The following ADAMTS17 variants were observed in gnomAD, a reference collection of about 807,000 sequenced individuals.
ADAMTS17 encodes the protein A disintegrin and metalloproteinase with thrombospondin motifs 17.
ADAMTS17 carries 113 observed loss-of-function variants against 141.5 expected under a neutral mutation model. The observed-to-expected ratio is 0.80, with a 90% confidence interval of 0.69 to 0.93. The LOEUF (loss-of-function observed/expected upper bound fraction) is 0.93. ADAMTS17 is among the 40% of genes least tolerant of loss of function. ADAMTS17 has a pLI of 0.00. For missense variants in ADAMTS17, 1,659 were observed against 1,517.9 expected (o/e 1.09, Z -1.54); for synonymous variants, 768 against 630.6 (o/e 1.22, Z -3.27).
rs80144830 is a variant in ADAMTS17 at position 100,331,435 on chromosome 15, T to G, written c.451-381A>C. ...ACACTGAAATTGTTGGGAATGACAT[T>G]TGTATCCCTAATGGAAAAATGTATC... On this transcript the variant is annotated intron_variant, in intron 2 of 21. Coordinates refer to ENST00000268070, the MANE Select transcript of ADAMTS17 (RefSeq NM_139057.4). 2.6e-3 allele frequency among the ~76,000 whole-genome samples: 397 copies of G among 152,274 alleles called. 1 individual carries two copies. The highest frequency in any genetic ancestry group is 5.0e-3 in the Non-Finnish European group (343 of 68,000).
intron 3 of ADAMTS17, among the ~76,000 whole-genome samples, chr15:100,297,168 A>G (rs2044852842): frequency 6.6e-6 from 1 of 152,174 alleles, no homozygotes; most frequent in Admixed American, 6.5e-5. Flanking sequence ...AACAGCATAT[A>G]CACAGGGCCC....
chr15:100,256,049 C>A (rs73481929), intron 6 of ADAMTS17, among the ~76,000 whole-genome samples: 14,832 of 152,228 alleles, frequency 0.097, 1,449 homozygotes, highest in African/African-American at 0.25. Context: ...AGAAGAGAAG[C>A]AGCAAGCCAC....
intron 15 of ADAMTS17, chr15:100,074,031 T>C (rs1157399208): frequency 1.3e-5 from 2 of 152,368 alleles, no homozygotes; most frequent in African/African-American, 4.8e-5. Flanking sequence ...AATAATAATA[T>C]CACAATAATA....
Position 100,199,439 on chromosome 15 carries a change from A to C in ADAMTS17, c.1076-16T>G. The C allele has an allele frequency of 6.2e-7, 1 of 1,609,104 alleles. No individual in the cohort carries two copies. Among genetic ancestry groups the C allele is most frequent in the Non-Finnish European group, 8.5e-7 (1 of 1,175,398 alleles). ...TAAGCAATTCCTGCAGCAGAGACAC[A>C]AAACACATCCTCTTCAGAACGTGGG... On this transcript the variant is annotated splice_polypyrimidine_tract_variant and intron_variant, in intron 7 of 21. Transcript: ENST00000268070.
intron 8 of ADAMTS17, among the ~76,000 whole-genome samples, chr15:100,184,564 G>T (rs537403229): frequency 2.6e-4 from 39 of 152,338 alleles, no homozygotes; most frequent in African/African-American, 8.9e-4. Context: ...GAGGGTAAAT[G>T]ATGTGTGGCA....
intron 7 of ADAMTS17, among the ~76,000 whole-genome samples, chr15:100,209,113 C>CAAAAAAAAAAAAAAA (rs60742726): frequency 2.1e-5 from 2 of 96,954 alleles, no homozygotes; most frequent in Admixed American, 1.1e-4. Context: ...GCCAAGTTAG[C>CAAAAAAAAAAAAAAA]AAAAAAAAAA....
At chr15:100,074,174 G>C (rs1202421447) in intron 15 of ADAMTS17, 1 of 153,024 alleles carries the variant, frequency 6.5e-6, no homozygotes, top group East Asian at 1.9e-4. Context: ...CACATTTGGG[G>C]CGGTGCGGCC....
intron 8 of ADAMTS17, among the ~76,000 whole-genome samples, chr15:100,185,324 T>A (rs780327652): frequency 1.3e-5 from 2 of 152,082 alleles, no homozygotes; most frequent in African/African-American, 4.8e-5. Flanking sequence ...CTGTGAGATC[T>A]ACCACTGCTC....
rs1271264418 is a variant in ADAMTS17, at chr15:100,330,873, T to C, written c.616+16A>G. On this transcript the variant is annotated intron_variant, in intron 3 of 21. Transcript: ENST00000268070. The stretch of plus-strand genomic sequence containing the variant: ...TGCGTGTGTTCTAAGCTGGTCATGC[T>C]GCTGCCCCGACTCACCTGTTAGAAC... The C allele has an allele frequency of 1.2e-6, 2 of 1,613,894 alleles. No individual in the cohort carries two copies. The highest frequency in any genetic ancestry group is 2.2e-5 in the South Asian group (2 of 91,076).
chr15:100,201,085 ATCC>A (rs1238296306), intron 7 of ADAMTS17, among the ~76,000 whole-genome samples: 1 of 152,140 alleles, frequency 6.6e-6, no homozygotes, highest in African/African-American at 2.4e-5. Flanking sequence ...CTAAACCAAC[ATCC>A]TCTTTGCTGA....
intron 12 of ADAMTS17, chr15:100,129,836 T>A (rs1170679072): frequency 6.6e-6 from 1 of 152,010 alleles, no homozygotes; most frequent in African/African-American, 2.4e-5. Flanking sequence ...GTCCGCTCCC[T>A]CTAGTGGGCA....
intron 4 of ADAMTS17, among the ~76,000 whole-genome samples, chr15:100,276,013 G>A: frequency 1.9e-5 from 1 of 53,674 alleles, no homozygotes; most frequent in South Asian, 7.7e-4. Context: ...GAGGGTGGGA[G>A]GGAGTAGGTG....
intron 8 of ADAMTS17, among the ~76,000 whole-genome samples, chr15:100,156,706 T>C (rs750459665): frequency 2.0e-4 from 30 of 152,340 alleles, no homozygotes; most frequent in African/African-American, 6.5e-4. Flanking sequence ...GTAGCTAAGA[T>C]AGACTGCTGT....
chr15:100,132,198 T>C (rs1457522190), intron 11 of ADAMTS17, 46 bp from the exon 12 acceptor site: 2 of 1,598,666 alleles, frequency 1.3e-6, no homozygotes, highest in Non-Finnish European at 1.7e-6. Flanking sequence ...TCAGCAGAGC[T>C]GCTCACTCCA....
chr15:100,142,600 T>C (rs1292279457), intron 10 of ADAMTS17, among the ~76,000 whole-genome samples: 1 of 152,164 alleles, frequency 6.6e-6, no homozygotes, highest in Non-Finnish European at 1.5e-5. Flanking sequence ...TAAGTAGAGT[T>C]TATATTCCCA....
rs574072221 is a variant in ADAMTS17, at chr15:100,021,664, C to A, written c.2592-24075G>T. ...GTCCACGCTCCTTCATAGTGCCACC[C>A]AAGGACTGCAGCTGTTTTCAGGAAT... On this transcript the variant is annotated intron_variant, in intron 18 of 21. Transcript: ENST00000268070. Among the ~76,000 whole-genome samples the A allele has an allele frequency of 2.8e-4, 42 of 152,302 alleles. No homozygotes were observed. The South Asian group carries it at 8.5e-3, about 31-fold the overall frequency.
intron 8 of ADAMTS17, among the ~76,000 whole-genome samples, chr15:100,162,696 G>A (rs1177044982): frequency 8.9e-6 from 1 of 112,500 alleles, no homozygotes; most frequent in Non-Finnish European, 1.8e-5. Context: ...CATTATATGT[G>A]TATATATATG....
intron 18 of ADAMTS17, among the ~76,000 whole-genome samples, chr15:100,012,925 G>T (rs780214941): frequency 3.9e-5 from 6 of 152,158 alleles, no homozygotes; most frequent in Non-Finnish European, 7.4e-5. Flanking sequence ...TGTGAAGAAT[G>T]ATAGCAGTAT....
At chr15:100,301,028 C>A (rs956398437) in intron 3 of ADAMTS17, among the ~76,000 whole-genome samples, 10 of 152,160 alleles carry the variant, frequency 6.6e-5, no homozygotes, top group Non-Finnish European at 1.2e-4. Context: ...AAACCTAGTG[C>A]CTAGCATGCA....
Sources: allele counts gnomAD v4.1 joint callset (sites outside exome capture counted in the v4.1 genomes callset), GRCh38; gene constraint gnomAD v4.1.1; transcripts MANE v1.5; gene names NCBI Gene and HGNC (gene_info 2026-07-23, HGNC 2026-07-21).